GBP1: variants seen among roughly 807,000 people sequenced by gnomAD.
The protein encoded by GBP1 is guanylate-binding protein 1.
In GBP1, 64 loss-of-function variants were observed where a neutral mutation model predicts 69.5. The observed-to-expected ratio is 0.92, with a 90% CI of 0.75 to 1.13. The LOEUF (loss-of-function observed/expected upper bound fraction) is 1.13. Ranked by LOEUF, GBP1 falls within the 50% of genes most tolerant of loss-of-function variation. The pLI is 0.00. For missense variants in GBP1, 630 were observed against 704.1 expected, an observed-to-expected ratio of 0.89 and a Z score of 1.19; for synonymous variants, 250 against 261.2, an observed-to-expected ratio of 0.96 and a Z score of 0.41.
Position 89,058,780 on chromosome 1 carries a change from T to G in GBP1, c.631+61A>C. The G allele has an allele frequency of 3.2e-6, 5 of 1,580,940 alleles. No homozygotes were observed. The South Asian group carries it at 4.4e-5, about 14-fold the overall frequency. On this transcript the variant is annotated intron_variant, in intron 5 of 10. Coordinates refer to ENST00000370473, the MANE Select transcript of GBP1 (RefSeq NM_002053.3). ...TGCTGGAAAACTAGCAATAGTAAAC[T>G]GAAAAATGATAATTTCTTGTGTTTT...
At position 89,056,851 on chromosome 1, in the gene GBP1, T is replaced by A. The variant is rs772891717; in HGVS notation, c.1155+3A>T. ...AACCGTATACATTTGAGACAAAAAT[T>A]ACCGCTAACTCCTTTTGAAATAGAT... On this transcript the variant is annotated splice_donor_region_variant and intron_variant, in intron 7 of 10. Coordinates refer to ENST00000370473, the MANE Select transcript of GBP1 (RefSeq NM_002053.3). The A allele has an allele frequency of 6.2e-7, 1 of 1,613,116 alleles. No homozygotes were observed. Among genetic ancestry groups the A allele is most frequent in the Non-Finnish European group, 8.5e-7 (1 of 1,179,226 alleles).
At chr1:89,062,442 G>T (rs532890916) in intron 2 of GBP1, among the ~76,000 whole-genome samples, 2 of 152,320 alleles carry the variant, frequency 1.3e-5, no homozygotes, top group East Asian at 3.9e-4. Context: ...TAAGGTTTCT[G>T]TAGTAGTCAA....
At chr1:89,056,712 C>G in intron 7 of GBP1, 142 bp downstream of exon 7, 1 of 992,836 alleles carries the variant, frequency 1.0e-6, no homozygotes, top group Non-Finnish European at 1.5e-6. Flanking sequence ...GTCCTTCTGA[C>G]TGATGTGATC....
chr1:89,061,730 G>A (rs1318350186), intron 2 of GBP1, among the ~76,000 whole-genome samples: 1 of 152,006 alleles, frequency 6.6e-6, no homozygotes, highest in Admixed American at 6.6e-5. Context: ...GCAACACACG[G>A]AATGTAAGAA....
intron 2 of GBP1, among the ~76,000 whole-genome samples, chr1:89,062,536 A>G (rs1289882036): frequency 6.6e-6 from 1 of 152,236 alleles, no homozygotes; most frequent in Non-Finnish European, 1.5e-5. Context: ...TCTGTTAGGC[A>G]AGATGAAAGA....
intron 10 of GBP1, among the ~76,000 whole-genome samples, chr1:89,054,322 A>C (rs574754638): frequency 1.3e-5 from 2 of 152,134 alleles, no homozygotes; most frequent in Non-Finnish European, 2.9e-5. Context: ...GGATGGCCTC[A>C]ATCTCCTGAC....
chr1:89,057,291 C>T (rs533198085), intron 6 of GBP1, among the ~76,000 whole-genome samples, 157 bp from the exon 7 acceptor site: 6 of 152,272 alleles, frequency 3.9e-5, no homozygotes, highest in South Asian at 4.1e-4. Context: ...AGACCCTGTC[C>T]GAGATCTATT....
rs138624937 is a variant in GBP1, at chr1:89,060,306, G to A, written c.209C>T (p.Thr70Met). Residue 70 changes from threonine to methionine, a missense_variant, in exon 3 of 11, where the codon ACG becomes ATG. Thr to Met is a moderately conservative substitution (Grantham distance 81). Around this residue, in one of 5 missense-constraint regions of GBP1, gnomAD observed 131 missense variants for 138.5 expected, o/e 0.95. Coordinates refer to ENST00000370473, the MANE Select transcript of GBP1 (RefSeq NM_002053.3). ...GATTCCTTTAGTGTGAGACTGCACC[G>A]TGGAGCCCAGAGAGAAGCCTGCAAG... is the stretch of plus-strand genomic sequence containing the variant. ...GKKKGFSLGS[T>M]VQSHTKGIWM... The A allele has an allele frequency of 3.9e-4, 624 of 1,595,828 alleles. 2 individuals carry two copies. The African/African-American group carries it at 7.5e-3, about 19-fold the overall frequency.
Position 89,053,459 on chromosome 1 carries a change from G to T in GBP1, c.1675C>A (p.Gln559Lys), listed in dbSNP as rs1679968744. ...TLALKLQEQE[Q>K]LLKEGFQKES... Reference sequence around the variant, plus strand: ...TTTTGAAATCCCTCTTTTAGTAGTTGCTCCTGTTCCTAAAAAGGGACAAAC... The same window carrying T: ...TTTTGAAATCCCTCTTTTAGTAGTTTCTCCTGTTCCTAAAAAGGGACAAAC... The change falls in exon 11 of 11, where the codon CAA becomes AAA. Residue 559 changes from glutamine to lysine, a missense_variant. Transcript: ENST00000370473. 2 of 1,613,062 alleles carry T rather than the reference G, an allele frequency of 1.2e-6. No individual in the cohort carries two copies. The highest frequency in any genetic ancestry group is 1.7e-6 in the Non-Finnish European group (2 of 1,179,724).
At chr1:89,058,469 T>C (rs1000343842) in intron 5 of GBP1, 3 of 532,574 alleles carry the variant, frequency 5.6e-6, no homozygotes. Flanking sequence ...ATGATTTGTC[T>C]TGGGCTGTAG....
chr1:89,053,182 C>CTTT lies in GBP1; in HGVS notation c.*170_*172dup. 7.0e-6 allele frequency: 3 copies of CTTT among 426,456 alleles called. No homozygotes were observed. The highest frequency in any genetic ancestry group is 8.2e-6 in the Non-Finnish European group (2 of 242,910). The allele number at this position is 426,456 out of a possible 1,614,324, so 26.4% of individuals were successfully genotyped here. A position where few individuals can be genotyped will look rare whatever the true frequency, so the allele number is the denominator to read the frequency against. On this transcript the variant is annotated 3_prime_UTR_variant, in exon 11 of 11. Transcript: ENST00000370473. ...GCATCTTTGTTGCACAATTTACAGTCTTTTTTTTTTTTTAAGAAAAAACAT... is the reference window on the plus strand; with the variant it reads ...GCATCTTTGTTGCACAATTTACAGTCTTTTTTTTTTTTTTTTAAGAAAAAACAT...
At chr1:89,059,158 A>G in intron 4 of GBP1, 115 bp from the exon 5 acceptor site, 3 of 1,586,852 alleles carry the variant, frequency 1.9e-6, no homozygotes, top group Non-Finnish European at 2.6e-6. Context: ...TGTCAGTGTC[A>G]GTTCTAAAGT....
At position 89,058,248 on chromosome 1, in the gene GBP1, T is replaced by A. The variant is rs754031270; in HGVS notation, c.632-14A>T. On this transcript the variant is annotated splice_polypyrimidine_tract_variant and intron_variant, in intron 5 of 10. Coordinates refer to ENST00000370473, the MANE Select transcript of GBP1 (RefSeq NM_002053.3). ...TTTGACTGGTACCTAGAAAAACATT[T>A]AAAAAATTATAAAATTGCCTAATAT... 2 of 1,556,358 alleles carry A rather than the reference T, an allele frequency of 1.3e-6. No individual in the cohort carries two copies. Among genetic ancestry groups the A allele is most frequent in the Admixed American group, 2.0e-5 (1 of 48,910 alleles).
At chr1:89,054,918 T>C in intron 9 of GBP1, 43 bp from the exon 10 acceptor site, 1 of 1,598,486 alleles carries the variant, frequency 6.3e-7, no homozygotes, top group Non-Finnish European at 8.6e-7. Flanking sequence ...TGGGGTTATC[T>C]TGTTGCCTCA....
chr1:89,062,766 A>C (rs1680232993), intron 2 of GBP1: 1 of 340,176 alleles, frequency 2.9e-6, no homozygotes, highest in South Asian at 5.9e-5. Flanking sequence ...AGTTTATTAT[A>C]GTTATTATTA....
Position 89,054,677 on chromosome 1 carries a change from G to A in GBP1, c.1665+5C>T, listed in dbSNP as rs369224358. 4.3e-6 allele frequency: 7 copies of A among 1,611,474 alleles called. No individual in the cohort carries two copies. Among genetic ancestry groups the A allele is most frequent in the Non-Finnish European group, 5.9e-6 (7 of 1,178,070 alleles). ...CAGAAACCTCAAGGTGATGCAATTA[G>A]ATACCTGAAGTTTAAGAGCGAGGGT... On this transcript the variant is annotated splice_donor_5th_base_variant and intron_variant, in intron 10 of 10. Coordinates refer to ENST00000370473, the MANE Select transcript of GBP1 (RefSeq NM_002053.3).
chr1:89,061,950 C>G (rs527786200), intron 2 of GBP1, among the ~76,000 whole-genome samples: 1 of 151,214 alleles, frequency 6.6e-6, no homozygotes, highest in Non-Finnish European at 1.5e-5. Context: ...AAAACCACAA[C>G]GAGATACTAC....
In GBP1 at chr1:89,058,857, G is replaced by A. The variant is rs1445259120; in HGVS notation, c.615C>T (p.Ser205=). ...PLTPDEYLTY[S]LKLKKGTSQK... is the part of the protein sequence containing the mutation. ...CTCTGTTACCTTTCTTCAGCTTCAG[G>A]GAGTATGTCAGGTACTCATCTGGTG... Residue 205 remains serine, a synonymous_variant, in exon 5 of 11, where the codon TCC becomes TCT. Transcript: ENST00000370473. The A allele has an allele frequency of 1.9e-6, 3 of 1,614,090 alleles. No individual in the cohort carries two copies. Among genetic ancestry groups the A allele is most frequent in the Non-Finnish European group, 2.5e-6 (3 of 1,179,988 alleles).
chr1:89,057,627 G>A (rs1001785870), intron 6 of GBP1, among the ~76,000 whole-genome samples: 5 of 152,232 alleles, frequency 3.3e-5, no homozygotes, highest in African/African-American at 9.6e-5. Context: ...TTTTCAGTGT[G>A]CTAGTCACTA....
Sources: allele counts gnomAD v4.1 joint callset (sites outside exome capture counted in the v4.1 genomes callset), GRCh38; gene constraint gnomAD v4.1.1; regional missense constraint gnomAD v4.1.1; transcripts MANE v1.5; gene names NCBI Gene and HGNC (gene_info 2026-07-23, HGNC 2026-07-21).